CTNNA3: variants seen among roughly 807,000 people sequenced by gnomAD.
The protein encoded by CTNNA3 is catenin alpha 3, also known as catenin alpha-3.
In CTNNA3, 76 loss-of-function variants were observed where a neutral mutation model predicts 95.7. The observed-to-expected ratio is 0.79, with a 90% CI of 0.66 to 0.96. CTNNA3 has a LOEUF of 0.96. Among genes scored for constraint, CTNNA3 ranks in the 40% least tolerant of loss-of-function variants. The pLI, the probability that CTNNA3 is intolerant of heterozygous loss-of-function variation, is 0.00. For synonymous variants in CTNNA3, 431 were observed against 374.4 expected, an observed-to-expected ratio of 1.15 and a Z score of -1.74; for missense variants, 1,191 against 1,089.8, an observed-to-expected ratio of 1.09 and a Z score of -1.31.
chr10:67,393,029 A>C (rs1314561087), intron 5 of CTNNA3, among the ~76,000 whole-genome samples: 2 of 152,064 alleles, frequency 1.3e-5, no homozygotes, highest in Non-Finnish European at 2.9e-5. Flanking sequence ...CACAATGTAC[A>C]CATGTACCCT....
chr10:67,353,341 A>G (rs1442597233), intron 5 of CTNNA3, among the ~76,000 whole-genome samples: 1 of 151,994 alleles, frequency 6.6e-6, no homozygotes, highest in Non-Finnish European at 1.5e-5. Flanking sequence ...GCACATCTCC[A>G]AGGTATTCAA....
chr10:67,283,511 C>T (rs1328977336), intron 5 of CTNNA3, among the ~76,000 whole-genome samples: 1 of 152,144 alleles, frequency 6.6e-6, no homozygotes, highest in Non-Finnish European at 1.5e-5. Flanking sequence ...CTCCAAAGTC[C>T]TAGTAGGTCA....
At chr10:66,685,057 A>G (rs941726563) in intron 9 of CTNNA3, among the ~76,000 whole-genome samples, 1 of 150,704 alleles carries the variant, frequency 6.6e-6, no homozygotes, top group African/African-American at 2.4e-5. Flanking sequence ...TTTGCTACAT[A>G]TAAAAATGGA....
chr10:66,266,781 A>AT (rs758296660), intron 13 of CTNNA3, among the ~76,000 whole-genome samples: 41 of 151,908 alleles, frequency 2.7e-4, no homozygotes, highest in Non-Finnish European at 5.6e-4. Flanking sequence ...TACAAGCCTC[A>AT]TTTTTTTCTA....
intron 3 of CTNNA3, among the ~76,000 whole-genome samples, chr10:67,591,268 T>C (rs1407283106): frequency 6.6e-6 from 1 of 152,154 alleles, no homozygotes; most frequent in African/African-American, 2.4e-5. Flanking sequence ...TTTACCAAAC[T>C]TTAAAAATTA....
chr10:67,123,242 G>C (rs1285390358), intron 7 of CTNNA3, among the ~76,000 whole-genome samples: 2 of 152,096 alleles, frequency 1.3e-5, no homozygotes, highest in Non-Finnish European at 2.9e-5. Context: ...AAACTGATAA[G>C]CTACAGCCCT....
At chr10:67,266,683 C>T (rs1866839517) in intron 5 of CTNNA3, among the ~76,000 whole-genome samples, 1 of 152,070 alleles carries the variant, frequency 6.6e-6, no homozygotes, top group Non-Finnish European at 1.5e-5. Flanking sequence ...TGAGGAGTTG[C>T]TTTTCAAAGG....
chr10:66,989,522 G>A lies in CTNNA3; in HGVS notation c.1047+190795C>T, dbSNP rs2132927052. ...ATGGTTTGATTGTTATATATGTTTG[G>A]TCATGTGGGATTAGCCTGATACATG... On this transcript the variant is annotated intron_variant, in intron 7 of 17. Coordinates refer to ENST00000433211, the MANE Select transcript of CTNNA3 (RefSeq NM_013266.4). Among the ~76,000 whole-genome samples, 3 of 152,186 alleles carry A rather than the reference G, an allele frequency of 2.0e-5. No individual in the cohort carries two copies. In the South Asian group the frequency reaches 6.2e-4, roughly 32 times the overall value.
intron 10 of CTNNA3, among the ~76,000 whole-genome samples, chr10:66,530,840 T>C (rs71493980): frequency 0.027 from 4,057 of 152,232 alleles, 225 homozygotes; most frequent in East Asian, 0.22. Flanking sequence ...AGCTATCCTA[T>C]TCTAGGGGTT....
chr10:67,380,089 T>A (rs921590462), intron 5 of CTNNA3, among the ~76,000 whole-genome samples: 1 of 151,730 alleles, frequency 6.6e-6, no homozygotes, highest in Non-Finnish European at 1.5e-5. Flanking sequence ...AGGGGCATTA[T>A]GCCTGTTATC....
At chr10:66,933,933 A>C (rs1252444344) in intron 7 of CTNNA3, among the ~76,000 whole-genome samples, 1 of 152,130 alleles carries the variant, frequency 6.6e-6, no homozygotes, top group Non-Finnish European at 1.5e-5. Context: ...GGCATATCTA[A>C]AGATCAGAGA....
chr10:66,736,041 A>T (rs557605656), intron 9 of CTNNA3, among the ~76,000 whole-genome samples: 2 of 152,206 alleles, frequency 1.3e-5, no homozygotes. Context: ...CATAAAGCAG[A>T]CATCAGTCCA....
intron 11 of CTNNA3, among the ~76,000 whole-genome samples, chr10:66,445,826 A>T (rs192706797): frequency 6.6e-6 from 1 of 152,302 alleles, no homozygotes; most frequent in African/African-American, 2.4e-5. Flanking sequence ...CTAAAATCAG[A>T]GCAGAACTGA....
chr10:66,983,351 T>G (rs767201707), intron 7 of CTNNA3, among the ~76,000 whole-genome samples: 1 of 152,150 alleles, frequency 6.6e-6, no homozygotes, highest in Non-Finnish European at 1.5e-5. Flanking sequence ...CCCTGGTATC[T>G]GAAGCAGGGG....
intron 15 of CTNNA3, among the ~76,000 whole-genome samples, chr10:66,063,788 T>A (rs1246203561): frequency 6.6e-6 from 1 of 152,112 alleles, no homozygotes; most frequent in Non-Finnish European, 1.5e-5. Context: ...TTAATTCTAT[T>A]TTCATTATTG....
chr10:67,249,355 C>G (rs1358529099), intron 5 of CTNNA3, among the ~76,000 whole-genome samples: 1 of 152,090 alleles, frequency 6.6e-6, no homozygotes, highest in Non-Finnish European at 1.5e-5. Flanking sequence ...CTCATGGAAA[C>G]CAAAATCTAT....
intron 7 of CTNNA3, among the ~76,000 whole-genome samples, chr10:66,855,750 A>G (rs1324477209): frequency 1.3e-5 from 2 of 152,070 alleles, no homozygotes; most frequent in Non-Finnish European, 2.9e-5. Context: ...ATCTTGCATT[A>G]AAAGAGCTAA....
At chr10:66,740,251 T>C (rs765768974) in intron 9 of CTNNA3, among the ~76,000 whole-genome samples, 8 of 152,208 alleles carry the variant, frequency 5.3e-5, no homozygotes, top group Non-Finnish European at 1.2e-4. Context: ...CCATGTACTT[T>C]AATAATGAAA....
intron 9 of CTNNA3, among the ~76,000 whole-genome samples, chr10:66,661,920 A>G (rs1278455630): frequency 6.6e-6 from 1 of 152,192 alleles, no homozygotes; most frequent in African/African-American, 2.4e-5. Flanking sequence ...GTGGAATTAC[A>G]ATTCAGCTCA....
Sources: allele counts gnomAD v4.1 joint callset (sites outside exome capture counted in the v4.1 genomes callset), GRCh38; gene constraint gnomAD v4.1.1; transcripts MANE v1.5; gene names NCBI Gene and HGNC (gene_info 2026-07-23, HGNC 2026-07-21).